KALRN: variants seen among roughly 807,000 people sequenced by gnomAD.
KALRN encodes kalirin.
KALRN carries 70 observed loss-of-function variants against 353.7 expected under a neutral mutation model. That is an observed-to-expected ratio of 0.20 (90% confidence interval 0.16 to 0.24). The LOEUF (loss-of-function observed/expected upper bound fraction) is 0.24, where lower values mean the gene tolerates loss of function less well. Ranked by LOEUF, KALRN falls within the 10% of genes least tolerant of loss-of-function variation. KALRN has a pLI of 1.00. For missense variants in KALRN, 2,791 were observed against 3,756.7 expected, an observed-to-expected ratio of 0.74 and a Z score of 6.72; for synonymous variants, 1,391 against 1,434.8, an observed-to-expected ratio of 0.97 and a Z score of 0.69.
chr3:124,110,827 T>G (rs1042916963), intron 1 of KALRN, among the ~76,000 whole-genome samples: 8 of 152,194 alleles, frequency 5.3e-5, no homozygotes, highest in Admixed American at 3.3e-4. Context: ...AGAGGAAGCC[T>G]AGCTTAGAGT....
At chr3:124,160,379 A>T (rs879747654) in intron 1 of KALRN, among the ~76,000 whole-genome samples, 1 of 152,108 alleles carries the variant, frequency 6.6e-6, no homozygotes, top group East Asian at 1.9e-4. Flanking sequence ...ATGAAGAAGG[A>T]ATCTGGTTAG....
intron 45 of KALRN, among the ~76,000 whole-genome samples, chr3:124,664,444 T>A (rs1319001706): frequency 2.7e-5 from 4 of 150,524 alleles, no homozygotes; most frequent in Non-Finnish European, 4.4e-5. Context: ...GGAGTCTTGC[T>A]CTGTCGCCCA....
chr3:124,603,994 A>T (rs2149479565), intron 34 of KALRN, among the ~76,000 whole-genome samples: 1 of 152,188 alleles, frequency 6.6e-6, no homozygotes, highest in East Asian at 1.9e-4. Flanking sequence ...CAGCTCACAC[A>T]TGTGATTCTG....
At position 124,542,232 on chromosome 3, in the gene KALRN, G is replaced by A. The variant is rs574249943; in HGVS notation, c.4936-20611G>A. Reference sequence around the variant, plus strand: ...AAAATAAGTAAATCATCAGGGAGGCGGCTGAAAGTAATGGAAAATAGAATT... The same window carrying A: ...AAAATAAGTAAATCATCAGGGAGGCAGCTGAAAGTAATGGAAAATAGAATT... On this transcript the variant is annotated intron_variant, in intron 33 of 59. Transcript: ENST00000682506. Among the ~76,000 whole-genome samples, 87 of 152,248 alleles carry A rather than the reference G, an allele frequency of 5.7e-4. 1 individual carries two copies. The highest frequency in any genetic ancestry group is 3.3e-3 in the East Asian group (17 of 5,184).
At chr3:124,477,134 C>T (rs774063090) in intron 26 of KALRN, 111 bp from the exon 27 acceptor site, 136 of 631,460 alleles carry the variant, frequency 2.2e-4, no homozygotes, top group Non-Finnish European at 3.5e-4. Flanking sequence ...AAAATCTAGA[C>T]ACTGGTGTCT....
intron 34 of KALRN, chr3:124,584,622 C>A: frequency 7.1e-7 from 1 of 1,407,002 alleles, no homozygotes; most frequent in Non-Finnish European, 9.2e-7. Context: ...TAGGCCCTCC[C>A]TCCCCGCCTG....
At chr3:124,293,270 A>G (rs1190807711) in intron 5 of KALRN, among the ~76,000 whole-genome samples, 1 of 152,244 alleles carries the variant, frequency 6.6e-6, no homozygotes, top group Admixed American at 6.5e-5. Context: ...TTTAATACCA[A>G]TGTAATCTAT....
At chr3:124,692,417 G>A (rs1019916248) in intron 51 of KALRN, among the ~76,000 whole-genome samples, 3 of 152,204 alleles carry the variant, frequency 2.0e-5, no homozygotes, top group African/African-American at 7.2e-5. Flanking sequence ...CTTCCAAAGG[G>A]TTTATATGGA....
rs1248551186 is a variant in KALRN, at chr3:124,456,637, A to T, written c.3763A>T (p.Ile1255Phe). Residue 1255 changes from isoleucine to phenylalanine, a missense_variant, in exon 23 of 60, where the codon ATC becomes TTC. Physicochemically the swap from Ile to Phe is conservative, Grantham distance 21. Coordinates refer to ENST00000682506, the MANE Select transcript of KALRN (RefSeq NM_001388419.1). ...EDNKDLELDI[I>F]PASLSDREVK... is the part of the protein sequence containing the mutation. ...TAATAAGGACCTGGAGCTGGATATT[A>T]TCCCAGCAAGCCTTTCGGATCGGGA... 2 of 1,612,728 alleles carry T rather than the reference A, an allele frequency of 1.2e-6. No individual in the cohort carries two copies. Among genetic ancestry groups the T allele is most frequent in the Non-Finnish European group, 1.7e-6 (2 of 1,179,178 alleles).
At chr3:124,365,926 A>T (rs982968771) in intron 10 of KALRN, among the ~76,000 whole-genome samples, 1 of 152,198 alleles carries the variant, frequency 6.6e-6, no homozygotes, top group Non-Finnish European at 1.5e-5. Context: ...GTACTTTCAA[A>T]TTTGACATGT....
chr3:124,393,154 T>C (rs1051940608), intron 11 of KALRN, among the ~76,000 whole-genome samples: 5 of 152,232 alleles, frequency 3.3e-5, no homozygotes, highest in Middle Eastern at 3.4e-3. Flanking sequence ...TTAGTAGAGA[T>C]GGGGTTTCGC....
intron 37 of KALRN, among the ~76,000 whole-genome samples, chr3:124,646,391 C>CTTTTTTTTATTTTTTTTTTTTTT (rs2082719502): frequency 9.1e-6 from 1 of 110,492 alleles, no homozygotes; most frequent in African/African-American, 3.4e-5. Context: ...CTTTTGTTTA[C>CTTTTTTTTATTTTTTTTTTTTTT]TTTTTTTTTT....
intron 37 of KALRN, 64 bp from the exon 38 acceptor site, chr3:124,650,744 A>G: frequency 6.6e-7 from 1 of 1,514,620 alleles, no homozygotes; most frequent in Non-Finnish European, 9.1e-7. Flanking sequence ...GGCTGGGAGG[A>G]CACAGGGATT....
intron 1 of KALRN, among the ~76,000 whole-genome samples, chr3:124,039,669 T>A (rs994264792): frequency 2.0e-5 from 3 of 152,240 alleles, no homozygotes; most frequent in African/African-American, 4.8e-5. Context: ...TATGTTGGTA[T>A]GCAATTCCTT....
intron 4 of KALRN, among the ~76,000 whole-genome samples, chr3:124,267,157 A>C (rs909072832): frequency 6.6e-6 from 1 of 152,252 alleles, no homozygotes; most frequent in Non-Finnish European, 1.5e-5. Flanking sequence ...CAGAGATGAG[A>C]GTATAAGCTT....
Position 124,650,889 on chromosome 3 carries a change from C to A in KALRN, c.5746C>A (p.Pro1916Thr). Residue 1916 changes from proline to threonine, a missense_variant, in exon 38 of 60, where the codon CCT (proline) becomes ACT (threonine). Transcript: ENST00000682506. ...TGAGGGGATGGCCCCACCCACACCT[C>A]CTAAAAACCCAGAAGAAGAACAGAA... ...LNEGMAPPTP[P>T]KNPEEEQKAK... is the part of the protein sequence containing the mutation. 6.2e-7 allele frequency: 1 copy of A among 1,614,224 alleles called. No homozygotes were observed. The highest frequency in any genetic ancestry group is 8.5e-7 in the Non-Finnish European group (1 of 1,180,028).
At chr3:124,043,581 A>G (rs1328723857) in intron 1 of KALRN, among the ~76,000 whole-genome samples, 8 of 152,110 alleles carry the variant, frequency 5.3e-5, no homozygotes. Context: ...ACAATGTTCC[A>G]GATTGACAGC....
At chr3:124,273,967 T>A (rs2074435246) in intron 5 of KALRN, among the ~76,000 whole-genome samples, 1 of 152,148 alleles carries the variant, frequency 6.6e-6, no homozygotes, top group Non-Finnish European at 1.5e-5. Flanking sequence ...GTAGACCCTG[T>A]GTGATGAAGG....
chr3:124,614,641 G>T (rs886519162), intron 34 of KALRN, among the ~76,000 whole-genome samples: 39 of 151,400 alleles, frequency 2.6e-4, no homozygotes, highest in Admixed American at 5.9e-4. Flanking sequence ...CACAATCATG[G>T]CTCACTGCAG....
Sources: gnomAD v4.1 joint callset for allele counts (sites outside exome capture counted in the v4.1 genomes callset) on GRCh38, gnomAD v4.1.1 for gene constraint, MANE v1.5 for transcripts, NCBI Gene and HGNC (gene_info 2026-07-23, HGNC 2026-07-21) for gene names.